The following SELENOO variants were observed in gnomAD, a reference collection of about 807,000 sequenced individuals.
SELENOO encodes selenoprotein O, also known as protein adenylyltransferase SelO, mitochondrial.
Under a neutral mutation model 58.7 loss-of-function variants are expected in SELENOO, and 74 were observed. That is an observed-to-expected ratio of 1.26 (90% CI 1.04 to 1.53). SELENOO has a LOEUF of 1.53. Ranked by LOEUF, SELENOO falls within the 40% of genes most tolerant of loss-of-function variation. The pLI is 0.00. For missense variants in SELENOO, 1,149 were observed against 970.0 expected, an observed-to-expected ratio of 1.18 and a Z score of -2.45; for synonymous variants, 543 against 453.2, an observed-to-expected ratio of 1.20 and a Z score of -2.52.
intron 3 of SELENOO, chr22:50,209,573 T>G (rs116517135): frequency 6.6e-6 from 1 of 152,670 alleles, no homozygotes; most frequent in Non-Finnish European, 1.5e-5. Flanking sequence ...TCTGCCCCTC[T>G]GAGCCTCAGT....
Position 50,201,444 on chromosome 22 carries a change from C to G in SELENOO, c.408C>G (p.Ala136=). Residue 136 remains alanine, a synonymous_variant, in exon 1 of 9, where the codon GCC becomes GCG. Coordinates refer to ENST00000380903, the MANE Select transcript of SELENOO (RefSeq NM_031454.2). Reference sequence around the variant, plus strand: ...CGCTCCTGCCGGGCGCCGAGCCCGCCGCGCACTGCTACTGCGGCCACCAAT... The same window carrying G: ...CGCTCCTGCCGGGCGCCGAGCCCGCGGCGCACTGCTACTGCGGCCACCAAT... ...GNALLPGAEP[A]AHCYCGHQFG... 1 of 1,393,822 alleles carries G rather than the reference C, an allele frequency of 7.2e-7. No individual in the cohort carries two copies. The highest frequency in any genetic ancestry group is 9.4e-7 in the Non-Finnish European group (1 of 1,068,744). 86.3% of individuals were successfully genotyped at this position (1,393,822 alleles called of 1,614,324 possible).
chr22:50,213,425 T>G (rs2064385478), intron 5 of SELENOO, among the ~76,000 whole-genome samples: 1 of 152,090 alleles, frequency 6.6e-6, no homozygotes, highest in South Asian at 2.1e-4. Context: ...CCTTTTGAGG[T>G]TTATTACAAC....
Position 50,215,722 on chromosome 22 carries a change from G to C in SELENOO, c.1357G>C (p.Asp453His), listed in dbSNP as rs776782428. Residue 453 changes from aspartate to histidine, a missense_variant, in exon 6 of 9, where the codon GAC becomes CAC. Coordinates refer to ENST00000380903, the MANE Select transcript of SELENOO (RefSeq NM_031454.2). ...LLETMHLTGA[D>H]FTNTFYLLSS... The stretch of plus-strand genomic sequence containing the variant: ...CTGAGCAGCCTGTGTTCCAGGTGCC[G>C]ACTTCACAAACACCTTCTACTTGCT... 1.3e-6 allele frequency: 2 copies of C among 1,590,448 alleles called. No individual in the cohort carries two copies. Among genetic ancestry groups the C allele is most frequent in the African/African-American group, 1.3e-5 (1 of 74,394 alleles).
Position 50,210,200 on chromosome 22 carries a change from G to A in SELENOO, c.959G>A (p.Arg320Gln), listed in dbSNP as rs367633071. The change falls in exon 4 of 9, where the codon CGG (arginine) becomes CAG (glutamine). Residue 320 changes from arginine to glutamine, a missense_variant. Arg to Gln is a conservative substitution (Grantham distance 43, BLOSUM62 1). Transcript: ENST00000380903. ...CCCCAGGTGACGCGGCGCACGGCGC[G>A]GATGGTGGCCGAGTGGCAGTGTGTG... is the stretch of plus-strand genomic sequence containing the variant. ...FFREVTRRTA[R>Q]MVAEWQCVGF... is the part of the protein sequence containing the mutation. 253 of 1,613,396 alleles carry A rather than the reference G, an allele frequency of 1.6e-4. No homozygotes were observed. The Middle Eastern group carries it at 1.8e-3, about 12-fold the overall frequency.
intron 5 of SELENOO, among the ~76,000 whole-genome samples, chr22:50,211,225 C>T (rs1248043023): frequency 6.6e-6 from 1 of 152,188 alleles, no homozygotes; most frequent in Non-Finnish European, 1.5e-5. Context: ...GGACAGGCCG[C>T]AGTTTGCTTA....
At chr22:50,210,535 T>C in intron 4 of SELENOO, 96 bp from the exon 5 acceptor site, 1 of 1,568,076 alleles carries the variant, frequency 6.4e-7, no homozygotes, top group South Asian at 1.1e-5. Context: ...CACGGCCACT[T>C]GGGACCTTCC....
At chr22:50,213,254 CT>C (rs1555905131) in intron 5 of SELENOO, among the ~76,000 whole-genome samples, 1 of 125,814 alleles carries the variant, frequency 7.9e-6, no homozygotes. Context: ...AGAGATGGGG[CT>C]TCACCATGTT....
At chr22:50,206,086 G>A (rs1003044997) in intron 1 of SELENOO, 3 of 589,794 alleles carry the variant, frequency 5.1e-6, no homozygotes, top group Non-Finnish European at 9.1e-6. Flanking sequence ...GTGTGTTCAG[G>A]CCCATTTTTA....
intron 5 of SELENOO, among the ~76,000 whole-genome samples, chr22:50,213,805 G>A (rs981651467): frequency 1.9e-4 from 12 of 63,174 alleles, no homozygotes; most frequent in Admixed American, 1.3e-3. Flanking sequence ...CTGCCACCAC[G>A]CCCGGGTAAT....
chr22:50,210,708 G>T lies in SELENOO; in HGVS notation c.1148G>T (p.Arg383Met), dbSNP rs781397670. 12 of 1,613,294 alleles carry T rather than the reference G, an allele frequency of 7.4e-6. No individual in the cohort carries two copies. In the African/African-American group the frequency reaches 1.5e-4, roughly 20 times the overall value. ...TACAGCAAGCAGCCCGAGGTGTGCA[G>T]GTGGAACCTGCGGAAGCTGGCCGAG... The part of the protein sequence containing the change: ...YAYSKQPEVC[R>M]WNLRKLAEAL... The change falls in exon 5 of 9, where the codon AGG becomes ATG. Residue 383 changes from arginine to methionine, a missense_variant. Arg to Met is a moderately conservative substitution (Grantham distance 91, BLOSUM62 -1). Transcript: ENST00000380903.
chr22:50,210,911 G>A lies in SELENOO; in HGVS notation c.1351G>A (p.Gly451Ser), dbSNP rs746258694. The change falls in exon 5 of 9, where the codon GGT (glycine) becomes AGT (serine). Residue 451 changes from glycine to serine, a missense_variant and splice_region_variant. Gly to Ser is a moderately conservative substitution (Grantham distance 56, BLOSUM62 0). Transcript: ENST00000380903. The part of the protein sequence containing the change: ...SKLLETMHLT[G>S]ADFTNTFYLL... Reference sequence around the variant, plus strand: ...GCTCCTGGAGACCATGCATCTGACCGGTGAGTGACCCAGCCGTGCCCACAG... The same window carrying A: ...GCTCCTGGAGACCATGCATCTGACCAGTGAGTGACCCAGCCGTGCCCACAG... The A allele has an allele frequency of 2.1e-5, 34 of 1,613,914 alleles. No individual in the cohort carries two copies. The highest frequency in any genetic ancestry group is 2.7e-5 in the Non-Finnish European group (32 of 1,179,984).
rs376220895 is a variant in SELENOO at position 50,217,003 on chromosome 22, G to T, written c.1720G>T (p.Gly574Trp). Residue 574 changes from glycine to tryptophan, a missense_variant, in exon 8 of 9, where the codon GGG (glycine) becomes TGG (tryptophan). Transcript: ENST00000380903. ...ARLDKDLEGA[G>W]DAAAWQAEHV... is the part of the protein sequence containing the mutation. Reference sequence around the variant, plus strand: ...GCTGGACAAGGACCTGGAAGGCGCTGGGGACGCTGCCGCCTGGCAGGCTGA... The same window carrying T: ...GCTGGACAAGGACCTGGAAGGCGCTTGGGACGCTGCCGCCTGGCAGGCTGA... 1.5e-5 allele frequency: 24 copies of T among 1,611,172 alleles called. No homozygotes were observed. The highest frequency in any genetic ancestry group is 2.7e-5 in the African/African-American group (2 of 74,936).
At position 50,216,977 on chromosome 22, in the gene SELENOO, G is replaced by A. The variant is rs760826494; in HGVS notation, c.1694G>A (p.Arg565Gln). 75 of 1,608,438 alleles carry A rather than the reference G, an allele frequency of 4.7e-5. No homozygotes were observed. The highest frequency in any genetic ancestry group is 6.7e-5 in the African/African-American group (5 of 74,902). Reference protein sequence around the residue: ...WADWLQAYRARLDKDLEGAGD... With the variant: ...WADWLQAYRAQLDKDLEGAGD... Reference sequence around the variant, plus strand: ...GAGCCCGGATGTCATTCCAGAGCCCGGCTGGACAAGGACCTGGAAGGCGCT... The same window carrying A: ...GAGCCCGGATGTCATTCCAGAGCCCAGCTGGACAAGGACCTGGAAGGCGCT... Residue 565 changes from arginine to glutamine, a missense_variant, in exon 8 of 9, where the codon CGG becomes CAG. Physicochemically the swap from Arg to Gln is conservative, Grantham distance 43. Transcript: ENST00000380903.
intron 1 of SELENOO, among the ~76,000 whole-genome samples, chr22:50,203,430 T>A (rs538855593): frequency 6.6e-6 from 1 of 152,216 alleles, no homozygotes; most frequent in East Asian, 1.9e-4. Flanking sequence ...GACAAAACAA[T>A]CTTGAAGAAA....
At chr22:50,208,495 G>A in intron 2 of SELENOO, 41 bp from the exon 3 acceptor site, 1 of 1,578,220 alleles carries the variant, frequency 6.3e-7, no homozygotes, top group Non-Finnish European at 8.7e-7. Flanking sequence ...AAGGGGCTGG[G>A]GTCAGGTTTG....
chr22:50,202,427 C>A (rs1023492434), intron 1 of SELENOO, among the ~76,000 whole-genome samples: 1 of 152,090 alleles, frequency 6.6e-6, no homozygotes, highest in African/African-American at 2.4e-5. Context: ...TGTCTGAGGG[C>A]AACCTGGCTC....
At position 50,213,680 on chromosome 22, in the gene SELENOO, C is replaced by A. The variant is rs2064387067; in HGVS notation, c.1352-2037C>A. ...TTTTGTTTTTTGAGACGGAGTCTTG[C>A]TCTGTCACCCAGGCTGGAGTGCAGT... On this transcript the variant is annotated intron_variant, in intron 5 of 8. Coordinates refer to ENST00000380903, the MANE Select transcript of SELENOO (RefSeq NM_031454.2). 2.0e-5 allele frequency among the ~76,000 whole-genome samples: 3 copies of A among 152,092 alleles called. No individual in the cohort carries two copies. The South Asian group carries it at 6.2e-4, about 32-fold the overall frequency.
rs1602496823 is a variant in SELENOO at position 50,215,806 on chromosome 22, A to G, written c.1441A>G (p.Met481Val). Residue 481 changes from methionine to valine, a missense_variant, in exon 6 of 9, where the codon ATG (methionine) becomes GTG (valine). By Grantham distance (21) the Met-to-Val change is conservative. Transcript: ENST00000380903. ...PGLAEFLARLMEQCASLEELR... is the reference protein window; with the variant it reads ...PGLAEFLARLVEQCASLEELR... ...CCTGGCGGAATTCCTGGCCAGGCTG[A>G]TGGAGCAGTGTGCCTCCCTGGAGGA... The G allele has an allele frequency of 6.2e-7, 1 of 1,611,772 alleles. No individual in the cohort carries two copies. Among genetic ancestry groups the G allele is most frequent in the South Asian group, 1.1e-5 (1 of 91,050 alleles).
chr22:50,212,645 C>T (rs565016420), intron 5 of SELENOO, among the ~76,000 whole-genome samples: 48 of 152,198 alleles, frequency 3.2e-4, no homozygotes, highest in East Asian at 1.9e-4. Context: ...GCAACCACTC[C>T]GCTCCGAGTC....
Sources: allele counts gnomAD v4.1 joint callset (sites outside exome capture counted in the v4.1 genomes callset), GRCh38; gene constraint gnomAD v4.1.1; transcripts MANE v1.5; gene names NCBI Gene and HGNC (gene_info 2026-07-23, HGNC 2026-07-21).